The following WDR7 variants were observed in gnomAD, a reference collection of about 807,000 sequenced individuals.
WDR7 encodes the protein WD repeat domain 7.
Under a neutral mutation model 169.4 loss-of-function variants are expected in WDR7, and 46 were observed. The observed-to-expected ratio is 0.27, with a 90% CI of 0.21 to 0.35. WDR7 has a LOEUF of 0.35. Ranked by LOEUF, WDR7 falls within the 10% of genes least tolerant of loss-of-function variation. The pLI, the probability that WDR7 is intolerant of heterozygous loss-of-function variation, is 1.00. For synonymous variants in WDR7, 612 were observed against 666.8 expected (o/e 0.92, Z 1.27); for missense variants, 1,534 against 1,859.3 (o/e 0.83, Z 3.22).
chr18:56,937,209 A>G (rs995143556), intron 23 of WDR7, among the ~76,000 whole-genome samples: 3 of 152,136 alleles, frequency 2.0e-5, no homozygotes, highest in Non-Finnish European at 4.4e-5. Context: ...TTTTAAAGTA[A>G]CAGTCCACAT....
At chr18:56,725,711 A>G (rs2026433849) in intron 13 of WDR7, among the ~76,000 whole-genome samples, 1 of 152,128 alleles carries the variant, frequency 6.6e-6, no homozygotes, top group Non-Finnish European at 1.5e-5. Flanking sequence ...TTGGTGTTTT[A>G]GACATGAAGT....
intron 25 of WDR7, among the ~76,000 whole-genome samples, chr18:56,960,019 C>T (rs2047318137): frequency 6.6e-6 from 1 of 152,114 alleles, no homozygotes. Flanking sequence ...AGAGCCACTG[C>T]TAAAGGAATA....
At chr18:56,666,420 T>C (rs2025026047) in intron 1 of WDR7, among the ~76,000 whole-genome samples, 1 of 151,942 alleles carries the variant, frequency 6.6e-6, no homozygotes, top group African/African-American at 2.4e-5. Flanking sequence ...CAGGCTGGTC[T>C]CAAACTCCCA....
chr18:57,025,813 A>C lies in WDR7; in HGVS notation c.4270-1191A>C, dbSNP rs181149162. On this transcript the variant is annotated intron_variant, in intron 27 of 27. Transcript: ENST00000254442. Reference sequence around the variant, plus strand: ...GAAAAAGGAATGGCTTGTGTTTTGCACTGATCCACATGCAGGGGATGATGT... The same window carrying C: ...GAAAAAGGAATGGCTTGTGTTTTGCCCTGATCCACATGCAGGGGATGATGT... 2.5e-3 allele frequency among the ~76,000 whole-genome samples: 383 copies of C among 152,346 alleles called. 1 individual carries two copies. The highest frequency in any genetic ancestry group is 8.0e-3 in the African/African-American group (333 of 41,584).
At chr18:57,034,139 ACT>A (rs1212106208), downstream of WDR7, 8 of 151,816 alleles carry the variant, frequency 5.3e-5, no homozygotes, top group Non-Finnish European at 1.2e-4. Context: ...AGAGAGTGAG[ACT>A]CTGGGTGACA....
At chr18:56,940,453 T>A (rs925293902) in intron 25 of WDR7, among the ~76,000 whole-genome samples, 2 of 152,204 alleles carry the variant, frequency 1.3e-5, no homozygotes, top group African/African-American at 2.4e-5. Flanking sequence ...ACACAAATTT[T>A]AAAAAAATTA....
intron 20 of WDR7, among the ~76,000 whole-genome samples, chr18:56,855,311 G>C (rs893863809): frequency 4.0e-5 from 6 of 151,666 alleles, no homozygotes; most frequent in African/African-American, 1.5e-4. Flanking sequence ...TAGTTTGTCA[G>C]TTATATATAT....
intron 25 of WDR7, among the ~76,000 whole-genome samples, chr18:56,952,310 A>G (rs2047194546): frequency 2.0e-5 from 3 of 152,240 alleles, no homozygotes; most frequent in Admixed American, 6.5e-5. Context: ...GTATGAAACA[A>G]GGGGCTCTTG....
intron 25 of WDR7, among the ~76,000 whole-genome samples, chr18:56,961,778 G>C (rs1239350597): frequency 6.6e-6 from 1 of 152,072 alleles, no homozygotes; most frequent in African/African-American, 2.4e-5. Context: ...TACCAAATAT[G>C]CTTATTCACA....
intron 22 of WDR7, 133 bp downstream of exon 22, chr18:56,924,241 T>C: frequency 9.7e-7 from 1 of 1,032,086 alleles, no homozygotes; most frequent in East Asian, 2.7e-5. Context: ...TTTCAATATG[T>C]GAAGTTTTGA....
chr18:56,699,897 C>G (rs139949944), intron 12 of WDR7: 1 of 984,822 alleles, frequency 1.0e-6, no homozygotes, highest in East Asian at 1.1e-4. Context: ...CCTTTTCAAA[C>G]TCCACATACA....
intron 26 of WDR7, among the ~76,000 whole-genome samples, chr18:56,967,553 T>G (rs8094494): frequency 0.11 from 16,083 of 152,118 alleles, 2,781 homozygotes; most frequent in African/African-American, 0.36. Context: ...CTTCCCTCTA[T>G]CAATATTTGC....
At chr18:56,978,290 G>A (rs1626073) in intron 26 of WDR7, among the ~76,000 whole-genome samples, 1,641 of 152,222 alleles carry the variant, frequency 0.011, 32 homozygotes, top group African/African-American at 0.038. Flanking sequence ...AAGTTTATTA[G>A]GGATAAGACA....
chr18:57,012,860 C>G (rs1400956589), intron 26 of WDR7, among the ~76,000 whole-genome samples: 1 of 152,112 alleles, frequency 6.6e-6, no homozygotes, highest in East Asian at 1.9e-4. Context: ...CCCTGTGCCT[C>G]GGTCCCCTCA....
chr18:56,817,343 CAAAA>C (rs79929553), intron 20 of WDR7, among the ~76,000 whole-genome samples: 2 of 70,654 alleles, frequency 2.8e-5, no homozygotes, highest in African/African-American at 4.8e-5. Context: ...GACTCTGTCT[CAAAA>C]AAAAAAAAAA....
chr18:56,754,245 CTTTGTGTG>C (rs1353225356), intron 14 of WDR7, among the ~76,000 whole-genome samples: 1 of 73,008 alleles, frequency 1.4e-5, no homozygotes, highest in Non-Finnish European at 2.8e-5. Context: ...ATGTTTTGTG[CTTTGTGTG>C]TGTGTGTGTG....
At chr18:56,881,543 A>T (rs73960915) in intron 21 of WDR7, among the ~76,000 whole-genome samples, 8,688 of 152,240 alleles carry the variant, frequency 0.057, 864 homozygotes, top group African/African-American at 0.2. Context: ...AACTGCTGCT[A>T]TTCAGTGGCT....
Position 56,682,870 on chromosome 18 carries a change from T to C in WDR7, c.520+17T>C, listed in dbSNP as rs764684518. 4 of 1,608,124 alleles carry C rather than the reference T, an allele frequency of 2.5e-6. No homozygotes were observed. The South Asian group carries it at 4.5e-5, about 18-fold the overall frequency. On this transcript the variant is annotated intron_variant, in intron 5 of 27. Transcript: ENST00000254442. ...GAACACAAGGTCAGTGTATTATGCC[T>C]GTTAGGAGCTTTAGCACCATGACTT...
At position 56,679,461 on chromosome 18, in the gene WDR7, C is replaced by G. The variant is rs771136450; in HGVS notation, c.266+23C>G. The G allele has an allele frequency of 1.7e-5, 27 of 1,566,332 alleles. No homozygotes were observed. The Admixed American group carries it at 4.4e-4, about 25-fold the overall frequency. On this transcript the variant is annotated intron_variant, in intron 3 of 27. Transcript: ENST00000254442. Reference sequence around the variant, plus strand: ...TGGGTAAGTATTTTCTCATTTGCCTCTTTTTCTCATGAGTCTTTATAACTA... The same window carrying G: ...TGGGTAAGTATTTTCTCATTTGCCTGTTTTTCTCATGAGTCTTTATAACTA...
Sources: gnomAD v4.1 joint callset for allele counts (sites outside exome capture counted in the v4.1 genomes callset) on GRCh38, gnomAD v4.1.1 for gene constraint, MANE v1.5 for transcripts, NCBI Gene and HGNC (gene_info 2026-07-23, HGNC 2026-07-21) for gene names.